The following KIF5C variants were observed in gnomAD, a reference collection of about 807,000 sequenced individuals.
The protein encoded by KIF5C is kinesin family member 5C.
KIF5C carries 18 observed loss-of-function variants against 125.2 expected under a neutral mutation model. The observed-to-expected ratio is 0.14, with a 90% confidence interval of 0.10 to 0.21. KIF5C has a LOEUF of 0.21. Ranked by LOEUF, KIF5C falls within the 10% of genes least tolerant of loss-of-function variation. KIF5C has a pLI of 1.00. For missense variants in KIF5C, 780 were observed against 1,183.8 expected, an observed-to-expected ratio of 0.66 and a Z score of 5.01; for synonymous variants, 405 against 434.0, an observed-to-expected ratio of 0.93 and a Z score of 0.83.
chr2:148,918,736 C>A (rs957359184), intron 1 of KIF5C, among the ~76,000 whole-genome samples: 2 of 152,136 alleles, frequency 1.3e-5, no homozygotes, highest in Non-Finnish European at 2.9e-5. Flanking sequence ...AGGGTCTAAT[C>A]TAAGAATAAT....
chr2:148,990,885 C>T (rs1283992419), intron 15 of KIF5C, 125 bp from the exon 16 acceptor site: 3 of 1,430,002 alleles, frequency 2.1e-6, no homozygotes, highest in African/African-American at 1.4e-5. Context: ...TCCGCTTGTC[C>T]TTTAATTAGG....
chr2:148,936,210 G>A (rs1682286892), intron 3 of KIF5C, among the ~76,000 whole-genome samples: 1 of 152,216 alleles, frequency 6.6e-6, no homozygotes, highest in South Asian at 2.1e-4. Context: ...TTGAGCCTGG[G>A]AAGTGGAGGT....
intron 12 of KIF5C, 145 bp from the exon 13 acceptor site, chr2:148,978,777 G>T: frequency 8.7e-7 from 1 of 1,152,308 alleles, no homozygotes; most frequent in Non-Finnish European, 1.1e-6. Context: ...ATGAGATCTC[G>T]GAATCTGTCT....
chr2:148,952,909 A>T (rs1682701168), intron 10 of KIF5C, among the ~76,000 whole-genome samples: 1 of 152,186 alleles, frequency 6.6e-6, no homozygotes, highest in East Asian at 1.9e-4. Context: ...ATAGTAGTAG[A>T]TGGGACTAGA....
chr2:148,977,847 C>T lies in KIF5C; in HGVS notation c.1294-1075C>T, dbSNP rs372797824. On this transcript the variant is annotated intron_variant, in intron 12 of 25. Coordinates refer to ENST00000435030, the MANE Select transcript of KIF5C (RefSeq NM_004522.3). ...TCACCAAACAGGCTGGGGAATATCCCGTGGAACATTGAGGTTCTGTGACCC... is the reference window on the plus strand; with the variant it reads ...TCACCAAACAGGCTGGGGAATATCCTGTGGAACATTGAGGTTCTGTGACCC... Among the ~76,000 whole-genome samples the T allele has an allele frequency of 4.1e-4, 62 of 152,268 alleles. No individual in the cohort carries two copies. In the East Asian group the frequency reaches 7.0e-3, roughly 17 times the overall value.
intron 4 of KIF5C, among the ~76,000 whole-genome samples, chr2:148,938,314 T>A (rs75542786): frequency 0.02 from 3,094 of 152,304 alleles, 91 homozygotes; most frequent in African/African-American, 0.064. Context: ...GCAAAATTCA[T>A]CCTTTTAAAG....
Position 149,005,415 on chromosome 2 carries a change from A to G in KIF5C, c.2396A>G (p.His799Arg), listed in dbSNP as rs372503515. The G allele has an allele frequency of 3.9e-5, 63 of 1,613,880 alleles. No homozygotes were observed. Among genetic ancestry groups the G allele is most frequent in the Non-Finnish European group, 5.1e-5 (60 of 1,179,848 alleles). ...CAGTCTAGAGAATTGCAGACACTGC[A>G]CAACCTTCGGAAACTCTTTGTCCAG... ...ETVSRELQTLHNLRKLFVQDL... is the reference protein window; with the variant it reads ...ETVSRELQTLRNLRKLFVQDL... Residue 799 changes from histidine (H) to arginine (R), a missense_variant, in exon 22 of 26, where the codon CAC (histidine) becomes CGC (arginine). Around this residue, in one of 2 missense-constraint regions of KIF5C, gnomAD observed 573 missense variants for 742.6 expected, o/e 0.77. Coordinates refer to ENST00000435030, the MANE Select transcript of KIF5C (RefSeq NM_004522.3).
At position 149,009,275 on chromosome 2, in the gene KIF5C, C is replaced by T. The variant is rs545231893; in HGVS notation, c.2551-860C>T. On this transcript the variant is annotated intron_variant, in intron 23 of 25. Coordinates refer to ENST00000435030, the MANE Select transcript of KIF5C (RefSeq NM_004522.3). Reference sequence around the variant, plus strand: ...AAAGTGCTGGAATTACAGACGTGAGCCACTGCACCCAGCTGAAATGCATTA... The same window carrying T: ...AAAGTGCTGGAATTACAGACGTGAGTCACTGCACCCAGCTGAAATGCATTA... Among the ~76,000 whole-genome samples, 146 of 152,140 alleles carry T rather than the reference C, an allele frequency of 9.6e-4. 2 individuals are homozygous for T. The highest frequency in any genetic ancestry group is 3.1e-3 in the African/African-American group (130 of 41,516).
chr2:149,012,748 G>A (rs1439068871), intron 25 of KIF5C, among the ~76,000 whole-genome samples: 7 of 152,404 alleles, frequency 4.6e-5, no homozygotes, highest in East Asian at 1.9e-4. Flanking sequence ...GGCAGCCCGC[G>A]GGCGGGCAGT....
Position 148,896,936 on chromosome 2 carries a change from G to A in KIF5C, c.126+21193G>A, listed in dbSNP as rs146791058. 2.2e-3 allele frequency among the ~76,000 whole-genome samples: 340 copies of A among 152,162 alleles called. 9 individuals carry two copies. In the East Asian group the frequency reaches 0.045, roughly 20 times the overall value. On this transcript the variant is annotated intron_variant, in intron 1 of 25. Coordinates refer to ENST00000435030, the MANE Select transcript of KIF5C (RefSeq NM_004522.3). The stretch of plus-strand genomic sequence containing the variant: ...CAGCCTCCAGCTCCCAGGTTCAGGC[G>A]ATTCTCCTGCCTCAGCCTCCTGAAT...
chr2:148,887,772 C>T (rs190272397), intron 1 of KIF5C, among the ~76,000 whole-genome samples: 5 of 151,990 alleles, frequency 3.3e-5, no homozygotes, highest in African/African-American at 1.2e-4. Flanking sequence ...AGGCAGGGAC[C>T]ATAGTACCCA....
intron 8 of KIF5C, chr2:148,947,939 A>G: frequency 2.2e-6 from 1 of 456,750 alleles, no homozygotes; most frequent in South Asian, 1.5e-5. Context: ...CCGTATGCCA[A>G]GTTATGGCCA....
At chr2:148,965,346 C>A (rs770490504) in intron 11 of KIF5C, among the ~76,000 whole-genome samples, 1 of 152,056 alleles carries the variant, frequency 6.6e-6, no homozygotes, top group Non-Finnish European at 1.5e-5. Context: ...GTCTGAGAGG[C>A]CCCCAGCAAC....
At chr2:148,992,432 T>C (rs1681551346) in intron 16 of KIF5C, among the ~76,000 whole-genome samples, 1 of 152,242 alleles carries the variant, frequency 6.6e-6, no homozygotes, top group Non-Finnish European at 1.5e-5. Flanking sequence ...TTATTTCATA[T>C]GGTATTCTCA....
chr2:148,941,909 G>A, intron 5 of KIF5C, 26 bp from the exon 6 acceptor site: 1 of 1,600,702 alleles, frequency 6.2e-7, no homozygotes. Context: ...TTTCTTCTTT[G>A]CCTGCTGTCA....
At chr2:148,919,647 A>G (rs1681703447) in intron 1 of KIF5C, among the ~76,000 whole-genome samples, 1 of 152,202 alleles carries the variant, frequency 6.6e-6, no homozygotes, top group East Asian at 1.9e-4. Context: ...GATTTTTTAA[A>G]ATGGCAATTA....
intron 8 of KIF5C, among the ~76,000 whole-genome samples, chr2:148,949,490 A>G (rs561610937): frequency 3.4e-4 from 52 of 152,126 alleles, no homozygotes; most frequent in Non-Finnish European, 3.1e-4. Flanking sequence ...TCCCTTCGGC[A>G]TGGGGACTGC....
At chr2:148,925,144 G>A (rs1434994330) in intron 2 of KIF5C, among the ~76,000 whole-genome samples, 1 of 152,192 alleles carries the variant, frequency 6.6e-6, no homozygotes, top group East Asian at 1.9e-4. Flanking sequence ...GGGTCCTGAG[G>A]ACTATAGAAT....
intron 18 of KIF5C, chr2:148,998,075 G>A (rs549398341): frequency 2.6e-5 from 9 of 348,878 alleles, no homozygotes; most frequent in East Asian, 1.2e-4. Flanking sequence ...TGGAGGTTAC[G>A]TGGATAGGGA....
Sources: allele counts gnomAD v4.1 joint callset (sites outside exome capture counted in the v4.1 genomes callset), GRCh38; gene constraint gnomAD v4.1.1; regional missense constraint gnomAD v4.1.1; transcripts MANE v1.5; gene names NCBI Gene and HGNC (gene_info 2026-07-23, HGNC 2026-07-21).